The following CPNE8 variants were observed in gnomAD, a reference collection of about 807,000 sequenced individuals.
CPNE8 encodes copine-8.
Under a neutral mutation model 81.5 loss-of-function variants are expected in CPNE8, and 45 were observed. The observed-to-expected ratio is 0.55, with a 90% CI of 0.44 to 0.71. CPNE8 has a LOEUF of 0.71. Among genes scored for constraint, CPNE8 ranks in the 30% least tolerant of loss-of-function variants. The pLI, the probability that CPNE8 is intolerant of heterozygous loss-of-function variation, is 0.00. For missense variants in CPNE8, 594 were observed against 672.1 expected, an observed-to-expected ratio of 0.88 and a Z score of 1.28; for synonymous variants, 252 against 226.3, an observed-to-expected ratio of 1.11 and a Z score of -1.02.
chr12:38,685,387 A>G (rs1201605137), intron 16 of CPNE8, 103 bp downstream of exon 16: 4 of 1,268,958 alleles, frequency 3.2e-6, no homozygotes, highest in East Asian at 4.9e-5. Flanking sequence ...GAGGTAAACT[A>G]GAAGAAAACA....
At chr12:38,685,424 A>G in intron 16 of CPNE8, 66 bp downstream of exon 16, 1 of 1,528,328 alleles carries the variant, frequency 6.5e-7, no homozygotes. Flanking sequence ...TCATGCTAGC[A>G]ACAATGTTAT....
intron 1 of CPNE8, among the ~76,000 whole-genome samples, chr12:38,891,312 T>C (rs1944311687): frequency 6.6e-6 from 1 of 152,114 alleles, no homozygotes; most frequent in East Asian, 1.9e-4. Context: ...GTGTTTTAAT[T>C]TAAATTTATT....
chr12:38,721,495 G>A (rs1940563749), intron 13 of CPNE8, among the ~76,000 whole-genome samples: 1 of 152,186 alleles, frequency 6.6e-6, no homozygotes, highest in Non-Finnish European at 1.5e-5. Flanking sequence ...AGGGTCTCCT[G>A]TAAGCAGTTC....
chr12:38,889,315 G>A (rs1262185578), intron 1 of CPNE8, among the ~76,000 whole-genome samples: 1 of 152,166 alleles, frequency 6.6e-6, no homozygotes, highest in Non-Finnish European at 1.5e-5. Context: ...GAAGGATCAG[G>A]AAAAGTCTTC....
At chr12:38,821,850 C>G (rs12424244) in intron 6 of CPNE8, among the ~76,000 whole-genome samples, 11,660 of 152,198 alleles carry the variant, frequency 0.077, 575 homozygotes, top group East Asian at 0.28. Flanking sequence ...AAAATGAATG[C>G]AAGAAAGTGG....
In CPNE8 at chr12:38,767,627, AAATC is replaced by A; in HGVS notation, c.575+4_575+7del. On this transcript the variant is annotated splice_donor_5th_base_variant and intron_variant, in intron 8 of 19. Transcript: ENST00000331366. ...CATATAGTTGAAATGCATAAAAGAT[AAATC>A]TACCTGCCATCTTCATTACTTCGAT... The A allele has an allele frequency of 6.6e-7, 1 of 1,507,062 alleles. No individual in the cohort carries two copies. Among genetic ancestry groups the A allele is most frequent in the Non-Finnish European group, 8.9e-7 (1 of 1,120,072 alleles). 93.4% of individuals were successfully genotyped at this position (1,507,062 alleles called of 1,614,324 possible).
At chr12:38,734,296 A>G (rs1401076997) in intron 10 of CPNE8, among the ~76,000 whole-genome samples, 1 of 152,042 alleles carries the variant, frequency 6.6e-6, no homozygotes, top group Non-Finnish European at 1.5e-5. Flanking sequence ...TTTGCCTCAC[A>G]TCAATTATAT....
rs1384242918 is a variant in CPNE8 at position 38,754,124 on chromosome 12, A to G, written c.722+6723T>C. The stretch of plus-strand genomic sequence containing the variant: ...CAAGGAAAACCTTCATACAAATGAC[A>G]GCACTGAAATCGGACCTGAACAGAA... On this transcript the variant is annotated intron_variant, in intron 10 of 19. Coordinates refer to ENST00000331366, the MANE Select transcript of CPNE8 (RefSeq NM_153634.3). Among the ~76,000 whole-genome samples the G allele has an allele frequency of 2.6e-5, 4 of 152,372 alleles. No individual in the cohort carries two copies. In the East Asian group the frequency reaches 7.7e-4, roughly 29 times the overall value.
Position 38,685,525 on chromosome 12 carries a change from G to T in CPNE8, c.1236C>A (p.Pro412=). The change falls in exon 16 of 20, where the codon CCC becomes CCA. Residue 412 remains proline, a synonymous_variant. Coordinates refer to ENST00000331366, the MANE Select transcript of CPNE8 (RefSeq NM_153634.3). ...GATTAATTACAGGAGCAAAGTTGGTGGGCCCATATAGTTGTACAGATTTCA... is the reference window on the plus strand; with the variant it reads ...GATTAATTACAGGAGCAAAGTTGGTTGGCCCATATAGTTGTACAGATTTCA... ...RSLKSVQLYG[P]TNFAPVINHV... 6.2e-7 allele frequency: 1 copy of T among 1,613,362 alleles called. No individual in the cohort carries two copies. The highest frequency in any genetic ancestry group is 2.2e-5 in the East Asian group (1 of 44,798).
intron 6 of CPNE8, among the ~76,000 whole-genome samples, chr12:38,779,136 G>A (rs1467350689): frequency 6.6e-6 from 1 of 152,088 alleles, no homozygotes; most frequent in Non-Finnish European, 1.5e-5. Context: ...CCCTGACTGA[G>A]CATCAACCTG....
intron 19 of CPNE8, among the ~76,000 whole-genome samples, 155 bp downstream of exon 19, chr12:38,670,574 G>T (rs1030242096): frequency 1.3e-5 from 2 of 152,044 alleles, no homozygotes; most frequent in Admixed American, 1.3e-4. Flanking sequence ...TTCACTCTGA[G>T]TATCTACCAG....
chr12:38,862,910 C>T (rs1304627933), intron 3 of CPNE8, among the ~76,000 whole-genome samples: 1 of 152,050 alleles, frequency 6.6e-6, no homozygotes, highest in Non-Finnish European at 1.5e-5. Flanking sequence ...GGTCATGCAA[C>T]TGCACTCAAG....
Position 38,852,322 on chromosome 12 carries a change from G to A in CPNE8, c.187-3660C>T, listed in dbSNP as rs1002570107. Among the ~76,000 whole-genome samples the A allele has an allele frequency of 4.0e-5, 6 of 150,354 alleles. 1 individual carries two copies. Among genetic ancestry groups the A allele is most frequent in the Admixed American group, 1.3e-4 (2 of 15,108 alleles). Reference sequence around the variant, plus strand: ...CAGGCGCCTGTAGCCCCAGCTACTCGGGAGGCTGAGGCAGGAGAATGGCAT... The same window carrying A: ...CAGGCGCCTGTAGCCCCAGCTACTCAGGAGGCTGAGGCAGGAGAATGGCAT... On this transcript the variant is annotated intron_variant, in intron 3 of 19. Transcript: ENST00000331366.
At chr12:38,855,400 A>G (rs1434719848) in intron 3 of CPNE8, among the ~76,000 whole-genome samples, 2 of 152,062 alleles carry the variant, frequency 1.3e-5, no homozygotes, top group East Asian at 1.9e-4. Flanking sequence ...ACCACAAAAG[A>G]TCCCATATAG....
At chr12:38,810,435 G>T (rs1942911470) in intron 6 of CPNE8, among the ~76,000 whole-genome samples, 1 of 152,038 alleles carries the variant, frequency 6.6e-6, no homozygotes, top group Non-Finnish European at 1.5e-5. Context: ...GCTTCTTTCT[G>T]GAGTAGACTT....
rs1479900559 is a variant in CPNE8 at position 38,656,510 on chromosome 12, T to C, written c.1507-2440A>G. Among the ~76,000 whole-genome samples the C allele has an allele frequency of 3.9e-5, 6 of 152,288 alleles. No homozygotes were observed. The South Asian group carries it at 6.2e-4, about 16-fold the overall frequency. Reference sequence around the variant, plus strand: ...TATTCTTTACCTTGCTCCTACATTATGGACATTAAACTCATTTAAGTTTTT... The same window carrying C: ...TATTCTTTACCTTGCTCCTACATTACGGACATTAAACTCATTTAAGTTTTT... On this transcript the variant is annotated intron_variant, in intron 19 of 19. Coordinates refer to ENST00000331366, the MANE Select transcript of CPNE8 (RefSeq NM_153634.3).
intron 1 of CPNE8, among the ~76,000 whole-genome samples, chr12:38,881,491 G>T (rs1944157458): frequency 6.6e-6 from 1 of 152,112 alleles, no homozygotes; most frequent in South Asian, 2.1e-4. Context: ...AGGGATAAAA[G>T]AAATTTTAAG....
At chr12:38,711,312 T>C (rs926630235) in intron 13 of CPNE8, among the ~76,000 whole-genome samples, 3 of 152,174 alleles carry the variant, frequency 2.0e-5, no homozygotes, top group African/African-American at 7.2e-5. Flanking sequence ...TTGGCAAGAT[T>C]AGTGCTAGTC....
At chr12:38,724,302 C>T (rs1323303631) in intron 12 of CPNE8, among the ~76,000 whole-genome samples, 1 of 151,994 alleles carries the variant, frequency 6.6e-6, no homozygotes, top group Non-Finnish European at 1.5e-5. Context: ...TTTGCTACTC[C>T]CCAAAAAAGT....
Sources: allele counts gnomAD v4.1 joint callset (sites outside exome capture counted in the v4.1 genomes callset), GRCh38; gene constraint gnomAD v4.1.1; transcripts MANE v1.5; gene names NCBI Gene and HGNC (gene_info 2026-07-23, HGNC 2026-07-21).